SYTL5: variants seen among roughly 807,000 people sequenced by gnomAD.
The protein encoded by SYTL5 is synaptotagmin-like protein 5.
Under a neutral mutation model 55.9 loss-of-function variants are expected in SYTL5, and 34 were observed. The observed-to-expected ratio is 0.61, with a 90% CI of 0.46 to 0.81. The LOEUF (loss-of-function observed/expected upper bound fraction) is 0.81, where lower values mean the gene tolerates loss of function less well. Among genes scored for constraint, SYTL5 ranks in the 30% least tolerant of loss-of-function variants. The pLI, the probability that SYTL5 is intolerant of heterozygous loss-of-function variation, is 0.00. For synonymous variants in SYTL5, 221 were observed against 188.7 expected (o/e 1.17, Z -1.40); for missense variants, 637 against 546.7 (o/e 1.17, Z -1.65).
intron 1 of SYTL5, among the ~76,000 whole-genome samples, chrX:38,021,567 T>C (rs1476791736): frequency 2.7e-5 from 3 of 112,076 alleles, no homozygotes; most frequent in East Asian, 5.6e-4. Flanking sequence ...GATGAGTGCT[T>C]GGCATAGTCC....
chrX:37,982,509 T>C, the SYTL5 span, among the ~76,000 whole-genome samples: 2 of 112,544 alleles, frequency 1.8e-5, no homozygotes, highest in African/African-American at 6.4e-5. Context: ...AGAGCACTGG[T>C]AAAGGTAATT....
chrX:37,911,568 T>C, the SYTL5 span, among the ~76,000 whole-genome samples: 1 of 111,428 alleles, frequency 9.0e-6, no homozygotes, highest in Non-Finnish European at 1.9e-5. Flanking sequence ...TCATGGGGCA[T>C]TGCAAATTTC....
At chrX:38,119,153 A>G (rs1290352488) in intron 13 of SYTL5, among the ~76,000 whole-genome samples, 1 of 109,727 alleles carries the variant, frequency 9.1e-6, no homozygotes, top group Non-Finnish European at 1.9e-5. Context: ...CACCAATTTT[A>G]TTCAGAATTC....
the SYTL5 span, among the ~76,000 whole-genome samples, chrX:37,959,476 G>C: frequency 2.7e-5 from 3 of 111,693 alleles, no homozygotes; most frequent in African/African-American, 9.8e-5. Flanking sequence ...CTCAGGTACC[G>C]CGGTTTAAAG....
the SYTL5 span, among the ~76,000 whole-genome samples, chrX:37,919,445 A>T: frequency 8.2e-4 from 92 of 111,987 alleles, no homozygotes; most frequent in African/African-American, 2.7e-3. Flanking sequence ...ATATAAAGGA[A>T]GAAAGAAATC....
chrX:37,895,258 C>T, the SYTL5 span, among the ~76,000 whole-genome samples: 1 of 112,158 alleles, frequency 8.9e-6, no homozygotes, highest in East Asian at 2.8e-4. Flanking sequence ...CTAGATATAC[C>T]ATTTAATAAT....
the SYTL5 span, among the ~76,000 whole-genome samples, chrX:37,912,466 C>T: frequency 2.7e-5 from 3 of 111,806 alleles, no homozygotes; most frequent in Non-Finnish European, 5.6e-5. Flanking sequence ...ACAGTTATAT[C>T]TCCCATTGTA....
At chrX:37,989,021 T>C in the SYTL5 span, among the ~76,000 whole-genome samples, 1 of 111,975 alleles carries the variant, frequency 8.9e-6, no homozygotes, top group Non-Finnish European at 1.9e-5. Flanking sequence ...TGAGAAATTT[T>C]CAGCCTATCC....
At chrX:37,907,245 A>C in the SYTL5 span, among the ~76,000 whole-genome samples, 1 of 111,768 alleles carries the variant, frequency 8.9e-6, no homozygotes, top group African/African-American at 3.3e-5. Context: ...TGCACACACA[A>C]AACCATGTTT....
chrX:37,889,027 T>C, the SYTL5 span, among the ~76,000 whole-genome samples: 5 of 112,086 alleles, frequency 4.5e-5, no homozygotes, highest in Non-Finnish European at 7.5e-5. Flanking sequence ...ACTGGAGTTG[T>C]GAGCAGGTCA....
At chrX:38,002,676 T>C (rs921077979), upstream of SYTL5, among the ~76,000 whole-genome samples, 18 of 112,420 alleles carry the variant, frequency 1.6e-4, no homozygotes, top group South Asian at 3.7e-4. Context: ...TTGAGACGTG[T>C]CTGTTCATAT....
the SYTL5 span, among the ~76,000 whole-genome samples, chrX:37,960,714 C>A: frequency 9.1e-6 from 1 of 110,248 alleles, no homozygotes; most frequent in East Asian, 2.8e-4. Flanking sequence ...GTTAATGCAC[C>A]ATTTATGGCA....
chrX:38,018,016 G>A (rs1934418322), intron 1 of SYTL5, among the ~76,000 whole-genome samples: 1 of 109,166 alleles, frequency 9.2e-6, no homozygotes, highest in Non-Finnish European at 1.9e-5. Flanking sequence ...GAGGTCTGGG[G>A]CGTTTCTTCA....
chrX:38,110,651 T>C (rs1937337188), intron 13 of SYTL5, among the ~76,000 whole-genome samples, 169 bp downstream of exon 13: 1 of 112,169 alleles, frequency 8.9e-6, no homozygotes, highest in Non-Finnish European at 1.9e-5. Flanking sequence ...AAATCCACCG[T>C]TTTGGAAATT....
intron 3 of SYTL5, among the ~76,000 whole-genome samples, chrX:38,061,798 T>C (rs1293917819): frequency 2.7e-5 from 3 of 111,215 alleles, no homozygotes; most frequent in Non-Finnish European, 5.6e-5. Context: ...TTCATTTTTC[T>C]ATCTTAATAA....
At chrX:37,996,697 C>T in the SYTL5 span, among the ~76,000 whole-genome samples, 8 of 112,183 alleles carry the variant, frequency 7.1e-5, no homozygotes, top group Non-Finnish European at 1.3e-4. Flanking sequence ...TTATCAGGCT[C>T]GTCTCCCACC....
At chrX:38,036,503 G>C (rs955774801) in intron 2 of SYTL5, among the ~76,000 whole-genome samples, 4 of 111,416 alleles carry the variant, frequency 3.6e-5, no homozygotes, top group African/African-American at 1.3e-4. Flanking sequence ...CATAAGAAAG[G>C]CTGTTTATAA....
At chrX:38,109,209 C>T (rs1323047557) in intron 12 of SYTL5, among the ~76,000 whole-genome samples, 1 of 112,075 alleles carries the variant, frequency 8.9e-6, no homozygotes, top group African/African-American at 3.2e-5. Context: ...GCAAAAGTAG[C>T]CTAGATAAAA....
At chrX:38,124,440 T>A (rs920483988) in intron 15 of SYTL5, among the ~76,000 whole-genome samples, 5 of 111,959 alleles carry the variant, frequency 4.5e-5, no homozygotes, top group African/African-American at 1.6e-4. Context: ...CTTTTCGTTT[T>A]TGTTCCATGT....
Sources: allele counts gnomAD v4.1 joint callset (sites outside exome capture counted in the v4.1 genomes callset), GRCh38; gene constraint gnomAD v4.1.1; transcripts MANE v1.5; gene names NCBI Gene and HGNC (gene_info 2026-07-23, HGNC 2026-07-21).